Variants in TMEM209 observed in about 807,000 individuals in gnomAD.
The protein encoded by TMEM209 is testicular tissue protein Li 202.
Under a neutral mutation model 76.2 loss-of-function variants are expected in TMEM209, and 65 were observed. The observed-to-expected ratio is 0.85, with a 90% CI of 0.70 to 1.05. The LOEUF (loss-of-function observed/expected upper bound fraction) is 1.05, where lower values mean the gene tolerates loss of function less well. Ranked by LOEUF, TMEM209 falls within the 50% of genes least tolerant of loss-of-function variation. TMEM209 has a pLI of 0.00. For missense variants in TMEM209, 623 were observed against 685.5 expected (o/e 0.91, Z 1.02); for synonymous variants, 239 against 237.6 (o/e 1.01, Z -0.06).
intron 6 of TMEM209, among the ~76,000 whole-genome samples, chr7:130,189,356 T>C (rs1797717556): frequency 6.6e-6 from 1 of 151,950 alleles, no homozygotes; most frequent in African/African-American, 2.4e-5. Context: ...TCACCAAGCC[T>C]CGCTAATTTT....
At chr7:130,182,867 A>G (rs1421564228) in intron 8 of TMEM209, among the ~76,000 whole-genome samples, 1 of 152,224 alleles carries the variant, frequency 6.6e-6, no homozygotes, top group East Asian at 1.9e-4. Context: ...ACTTGAACTG[A>G]ATTCACATGA....
intron 14 of TMEM209, among the ~76,000 whole-genome samples, chr7:130,169,384 A>G (rs915012198): frequency 6.6e-6 from 1 of 152,330 alleles, no homozygotes; most frequent in Middle Eastern, 3.4e-3. Flanking sequence ...TCTAGTAGAT[A>G]CCTAATAAAC....
At chr7:130,181,977 G>A in intron 8 of TMEM209, 1 of 316,906 alleles carries the variant, frequency 3.2e-6, no homozygotes, top group Non-Finnish European at 6.1e-6. Flanking sequence ...TTTCGCTCTT[G>A]TTGCCCAGGC....
intron 10 of TMEM209, among the ~76,000 whole-genome samples, chr7:130,177,269 T>G (rs778120640): frequency 1.3e-5 from 2 of 150,852 alleles, no homozygotes; most frequent in Non-Finnish European, 2.9e-5. Flanking sequence ...AAGAATCGCT[T>G]GAACCCGGGA....
At chr7:130,194,321 TAAAAAATAAAGTCCATCAAAAA>T (rs1451986473) in intron 5 of TMEM209, among the ~76,000 whole-genome samples, 1 of 148,492 alleles carries the variant, frequency 6.7e-6, no homozygotes, top group Non-Finnish European at 1.5e-5. Flanking sequence ...AAAACTGCTC[TAAAAAATAAAGTCCATCAAAAA>T]AAAAAAAGGT....
chr7:130,174,993 T>TA (rs1797188209), intron 11 of TMEM209, among the ~76,000 whole-genome samples: 1 of 151,814 alleles, frequency 6.6e-6, no homozygotes, highest in Admixed American at 6.6e-5. Context: ...ATAAAAACAT[T>TA]AAAAAATAGT....
intron 5 of TMEM209, among the ~76,000 whole-genome samples, chr7:130,200,894 C>A (rs1276776729): frequency 1.3e-5 from 2 of 151,822 alleles, no homozygotes; most frequent in Non-Finnish European, 2.9e-5. Context: ...TCGAGACCAT[C>A]CTGGCTAACA....
intron 5 of TMEM209, among the ~76,000 whole-genome samples, chr7:130,196,430 T>C (rs1254548265): frequency 6.6e-6 from 1 of 152,164 alleles, no homozygotes. Context: ...TTCCATATAT[T>C]GTGCTAAGGA....
intron 14 of TMEM209, 24 bp downstream of exon 14, chr7:130,170,376 C>T (rs777934437): frequency 1.7e-5 from 26 of 1,573,966 alleles, no homozygotes; most frequent in East Asian, 1.3e-4. Context: ...TAACTACTTA[C>T]GTTTTTAAAG....
At chr7:130,181,909 T>C (rs537887579) in intron 8 of TMEM209, 190 bp from the exon 9 acceptor site, 3 of 512,144 alleles carry the variant, frequency 5.9e-6, no homozygotes, top group South Asian at 2.4e-5. Flanking sequence ...GTTAAATAAA[T>C]ATGCCACTGG....
intron 6 of TMEM209, among the ~76,000 whole-genome samples, chr7:130,187,431 T>C (rs1322227097): frequency 1.3e-5 from 2 of 152,094 alleles, no homozygotes; most frequent in African/African-American, 4.8e-5. Context: ...TTGAGAAATC[T>C]ATCAGCTTGG....
At chr7:130,194,232 G>A (rs1797895863) in intron 5 of TMEM209, among the ~76,000 whole-genome samples, 1 of 151,414 alleles carries the variant, frequency 6.6e-6, no homozygotes, top group South Asian at 2.1e-4. Context: ...CACTGTGAGG[G>A]GGTATACTGA....
In TMEM209 at chr7:130,174,012, A is replaced by G. The variant is rs1480891282; in HGVS notation, c.1345-73T>C. On this transcript the variant is annotated intron_variant, in intron 11 of 14. Transcript: ENST00000397622. The stretch of plus-strand genomic sequence containing the variant: ...CATGGATGTAGAACCCTTTAGAAAC[A>G]TCTGTATTTATAACGATTCCAATTA... The G allele has an allele frequency of 8.9e-6, 9 of 1,013,362 alleles. No homozygotes were observed. The Admixed American group carries it at 1.7e-4, about 19-fold the overall frequency. 62.8% of individuals were successfully genotyped at this position (1,013,362 alleles called of 1,614,324 possible).
At chr7:130,179,412 CAT>C (rs1321853368) in intron 9 of TMEM209, among the ~76,000 whole-genome samples, 1 of 151,924 alleles carries the variant, frequency 6.6e-6, no homozygotes, top group Non-Finnish European at 1.5e-5. Flanking sequence ...TTGTATAAGA[CAT>C]GTATAAAAAG....
At chr7:130,181,163 G>A (rs1797399582) in intron 9 of TMEM209, among the ~76,000 whole-genome samples, 1 of 152,178 alleles carries the variant, frequency 6.6e-6, no homozygotes, top group Non-Finnish European at 1.5e-5. Context: ...CTACAACATG[G>A]ACAAACTTTG....
Position 130,181,635 on chromosome 7 carries a change from G to A in TMEM209, c.1108C>T (p.Leu370=), listed in dbSNP as rs777029290. Residue 370 remains leucine (L), a synonymous_variant, in exon 9 of 15, where the codon CTA becomes TTA. Coordinates refer to ENST00000397622, the MANE Select transcript of TMEM209 (RefSeq NM_032842.4). Reference sequence around the variant, plus strand: ...TGTTTTCACATACCTCCTATCTGTAGCTCTGGACAACCCATTCGTCTCATC... The same window carrying A: ...TGTTTTCACATACCTCCTATCTGTAACTCTGGACAACCCATTCGTCTCATC... ...TQMRRMGCPE[L]QIGEASITSL... is the part of the protein sequence containing the mutation. 1.2e-5 allele frequency: 19 copies of A among 1,611,712 alleles called. No homozygotes were observed. Among genetic ancestry groups the A allele is most frequent in the Non-Finnish European group, 1.6e-5 (19 of 1,178,948 alleles).
At chr7:130,185,102 G>A (rs1260566089) in intron 7 of TMEM209, 90 bp downstream of exon 7, 2 of 1,386,750 alleles carry the variant, frequency 1.4e-6, no homozygotes, top group African/African-American at 1.4e-5. Flanking sequence ...CCAACAGAAT[G>A]GAAGATTACA....
intron 5 of TMEM209, among the ~76,000 whole-genome samples, chr7:130,195,044 A>G (rs758162978): frequency 2.1e-4 from 32 of 152,150 alleles, no homozygotes; most frequent in African/African-American, 7.0e-4. Flanking sequence ...CTTACGGGCC[A>G]TAATATTTTA....
chr7:130,203,255 A>G (rs1798284662), intron 3 of TMEM209, among the ~76,000 whole-genome samples: 1 of 152,226 alleles, frequency 6.6e-6, no homozygotes. Context: ...TAGTGAAGCC[A>G]TGATTCTAAC....
Sources: gnomAD v4.1 joint callset for allele counts (sites outside exome capture counted in the v4.1 genomes callset) on GRCh38, gnomAD v4.1.1 for gene constraint, MANE v1.5 for transcripts, NCBI Gene and HGNC (gene_info 2026-07-23, HGNC 2026-07-21) for gene names.